Variants in PPFIBP2 observed in about 807,000 individuals in gnomAD.
PPFIBP2 encodes PPFIB scaffold protein 2.
PPFIBP2 carries 118 observed loss-of-function variants against 118.3 expected under a neutral mutation model. That is an observed-to-expected ratio of 1.00 (90% CI 0.86 to 1.16). The LOEUF (loss-of-function observed/expected upper bound fraction) is 1.16, where lower values mean the gene tolerates loss of function less well. Ranked by LOEUF, PPFIBP2 falls within the 50% of genes most tolerant of loss-of-function variation. The probability of loss-of-function intolerance (pLI) is 0.00; values close to 1 mark genes in which losing one functional copy is unlikely to be tolerated. For synonymous variants in PPFIBP2, 414 were observed against 397.4 expected, an observed-to-expected ratio of 1.04 and a Z score of -0.50; for missense variants, 1,195 against 1,073.1, an observed-to-expected ratio of 1.11 and a Z score of -1.59.
intron 6 of PPFIBP2, chr11:7,617,076 G>A: frequency 1.0e-6 from 1 of 970,780 alleles, no homozygotes; most frequent in Non-Finnish European, 1.2e-6. Context: ...TGTCTGACCT[G>A]GAGTGCTTTT....
At chr11:7,640,956 C>T in intron 15 of PPFIBP2, 1 of 1,121,338 alleles carries the variant, frequency 8.9e-7, no homozygotes, top group Non-Finnish European at 1.2e-6. Context: ...TTCTTTGCTT[C>T]CCCGTAACTC....
intron 3 of PPFIBP2, among the ~76,000 whole-genome samples, chr11:7,579,659 A>G (rs1384492722): frequency 6.6e-6 from 1 of 152,186 alleles, no homozygotes; most frequent in Non-Finnish European, 1.5e-5. Flanking sequence ...GTGTGGAGGA[A>G]CTAATTTTGC....
intron 6 of PPFIBP2, among the ~76,000 whole-genome samples, chr11:7,617,705 T>A (rs927609047): frequency 6.6e-6 from 1 of 152,008 alleles, no homozygotes; most frequent in Non-Finnish European, 1.5e-5. Context: ...GGAAAAGAAG[T>A]ATTATGAAAA....
intron 23 of PPFIBP2, among the ~76,000 whole-genome samples, chr11:7,652,157 G>A (rs10839832): frequency 0.3 from 46,319 of 152,248 alleles, 8,881 homozygotes; most frequent in Non-Finnish European, 0.42. Context: ...GAGCGGAAGC[G>A]CTCCGAGTCT....
chr11:7,515,232 A>G (rs2134205946), intron 1 of PPFIBP2, among the ~76,000 whole-genome samples: 1 of 152,322 alleles, frequency 6.6e-6, no homozygotes, highest in East Asian at 1.9e-4. Context: ...GATGGGGATG[A>G]TTGATGAGGT....
chr11:7,549,076 G>A (rs1434194823), intron 1 of PPFIBP2, among the ~76,000 whole-genome samples: 1 of 152,324 alleles, frequency 6.6e-6, no homozygotes, highest in East Asian at 1.9e-4. Flanking sequence ...CCTGTTAGGT[G>A]TGCTGCTCTC....
intron 2 of PPFIBP2, among the ~76,000 whole-genome samples, chr11:7,561,689 A>T (rs1279845717): frequency 1.3e-5 from 2 of 152,258 alleles, no homozygotes; most frequent in African/African-American, 2.4e-5. Context: ...TTCTCAGAAT[A>T]TTCTCAGCTA....
chr11:7,587,485 CT>C (rs1230019449), intron 3 of PPFIBP2, among the ~76,000 whole-genome samples: 1 of 152,194 alleles, frequency 6.6e-6, no homozygotes, highest in Non-Finnish European at 1.5e-5. Flanking sequence ...TTAACCAGAA[CT>C]TTTGGTTGCA....
chr11:7,541,328 C>T (rs560112180), intron 1 of PPFIBP2, among the ~76,000 whole-genome samples: 2 of 152,140 alleles, frequency 1.3e-5, no homozygotes, highest in East Asian at 1.9e-4. Context: ...GGAGGGTAAC[C>T]GGTTAGGAGG....
intron 1 of PPFIBP2, among the ~76,000 whole-genome samples, chr11:7,529,966 C>T (rs1564941903): frequency 6.6e-6 from 1 of 152,252 alleles, no homozygotes; most frequent in Non-Finnish European, 1.5e-5. Context: ...GTTTGAGCTG[C>T]TGTATCCCAG....
At chr11:7,597,524 C>A (rs770752593) in intron 4 of PPFIBP2, 36 bp from the exon 5 acceptor site, 5 of 1,589,998 alleles carry the variant, frequency 3.1e-6, no homozygotes, top group Admixed American at 3.5e-5. Flanking sequence ...ATGTCAAATC[C>A]CTGGTCCTCC....
At chr11:7,619,067 G>A (rs55675183) in intron 6 of PPFIBP2, among the ~76,000 whole-genome samples, 13,659 of 152,202 alleles carry the variant, frequency 0.09, 813 homozygotes, top group East Asian at 0.28. Flanking sequence ...AGTTTCATGT[G>A]TGCATTCATT....
the PPFIBP2 span, chr11:7,665,818 G>C: frequency 7.2e-6 from 11 of 1,526,164 alleles, no homozygotes; most frequent in East Asian, 2.7e-4. Flanking sequence ...AGAACACAAC[G>C]AGGTATACCG....
At chr11:7,605,645 C>A (rs922151562) in intron 5 of PPFIBP2, 1 of 1,121,906 alleles carries the variant, frequency 8.9e-7, no homozygotes, top group East Asian at 4.4e-5. Context: ...GAATGACTCA[C>A]CTCAAGGTAC....
the PPFIBP2 span, chr11:7,665,665 T>C: frequency 8.1e-7 from 1 of 1,232,996 alleles, no homozygotes; most frequent in Admixed American, 2.6e-5. Flanking sequence ...TACAAAGGCT[T>C]AGAAGTCTGT....
chr11:7,605,894 A>C, intron 5 of PPFIBP2: 1 of 1,505,072 alleles, frequency 6.6e-7, no homozygotes, highest in East Asian at 2.5e-5. Flanking sequence ...GAGAAGCTGA[A>C]CGAAATGGAA....
intron 2 of PPFIBP2, among the ~76,000 whole-genome samples, chr11:7,557,108 A>T (rs561386797): frequency 6.6e-6 from 1 of 151,088 alleles, no homozygotes; most frequent in Non-Finnish European, 1.5e-5. Flanking sequence ...ATGCTTCCTA[A>T]CTCCTCTTTT....
At chr11:7,607,124 A>G (rs1358971989) in intron 5 of PPFIBP2, among the ~76,000 whole-genome samples, 1 of 149,102 alleles carries the variant, frequency 6.7e-6, no homozygotes, top group Non-Finnish European at 1.5e-5. Flanking sequence ...GTTCGTCAGG[A>G]TGGTCTCAAT....
At chr11:7,635,107 C>T (rs1040712625) in intron 13 of PPFIBP2, among the ~76,000 whole-genome samples, 7 of 152,122 alleles carry the variant, frequency 4.6e-5, no homozygotes, top group African/African-American at 1.4e-4. Flanking sequence ...GGGTGGACCT[C>T]ATGCTGCAGG....
Sources: gnomAD v4.1 joint callset for allele counts (sites outside exome capture counted in the v4.1 genomes callset) on GRCh38, gnomAD v4.1.1 for gene constraint, MANE v1.5 for transcripts, NCBI Gene and HGNC (gene_info 2026-07-23, HGNC 2026-07-21) for gene names.